KIR3DL1: variants seen among roughly 807,000 people sequenced by gnomAD.
KIR3DL1 encodes killer cell immunoglobulin-like receptor 3DL1.
In KIR3DL1, 50 loss-of-function variants were observed where a neutral mutation model predicts 40.3. The ratio of observed to expected loss-of-function variants is 1.24; its 90% CI spans 0.99 to 1.57. KIR3DL1 has a LOEUF of 1.57. Ranked by LOEUF, KIR3DL1 falls within the 40% of genes most tolerant of loss-of-function variation. KIR3DL1 has a pLI of 0.00. For synonymous variants in KIR3DL1, 257 were observed against 207.2 expected, an observed-to-expected ratio of 1.24 and a Z score of -2.07; for missense variants, 661 against 559.9, an observed-to-expected ratio of 1.18 and a Z score of -1.82.
chr19:54,822,648 T>C (rs1487295676), intron 5 of KIR3DL1, among the ~76,000 whole-genome samples: 9 of 150,936 alleles, frequency 6.0e-5, no homozygotes, highest in Non-Finnish European at 1.2e-4. Flanking sequence ...AATACATCTA[T>C]ATTCTTTTTT....
chr19:54,817,793 C>G lies in KIR3DL1; in HGVS notation c.70+224C>G, dbSNP rs1440192293. Among the ~76,000 whole-genome samples, 4 of 148,198 alleles carry G rather than the reference C, an allele frequency of 2.7e-5. 1 individual carries two copies. The highest frequency in any genetic ancestry group is 3.0e-5 in the Non-Finnish European group (2 of 67,464). Reference sequence around the variant, plus strand: ...ACTAGGGTGCTCCAAGATGGGTGTGCAGGGAGGAAGTGGTGTCAGCAGCAG... The same window carrying G: ...ACTAGGGTGCTCCAAGATGGGTGTGGAGGGAGGAAGTGGTGTCAGCAGCAG... On this transcript the variant is annotated intron_variant, in intron 2 of 8. Transcript: ENST00000391728.
intron 6 of KIR3DL1, among the ~76,000 whole-genome samples, chr19:54,825,547 G>T (rs200713531): frequency 1.0e-4 from 15 of 149,258 alleles, no homozygotes; most frequent in Admixed American, 4.0e-4. Context: ...GCTCATGCAC[G>T]CACACTTCGA....
rs1466436876 is a variant in KIR3DL1, at chr19:54,829,907, G to T, written c.1106-21G>T. 2.6e-6 allele frequency: 4 copies of T among 1,522,964 alleles called. 2 individuals carry two copies. The South Asian group carries it at 5.0e-5, about 19-fold the overall frequency. The allele number at this position is 1,522,964 out of a possible 1,614,324, so 94.3% of individuals were successfully genotyped here. A position where few individuals can be genotyped will look rare whatever the true frequency, so the allele number is the denominator to read the frequency against. ...CCAGAAGTGCCCTCCGAGCTCTTTT[G>T]TTGACTTCCGTCTCCTACAGATGCT... On this transcript the variant is annotated intron_variant, in intron 7 of 8. Coordinates refer to ENST00000391728, the Ensembl canonical transcript of KIR3DL1.
chr19:54,819,891 C>T (rs767564575), exon 4 of KIR3DL1: 2 of 1,612,050 alleles, frequency 1.2e-6, no homozygotes, highest in Admixed American at 1.7e-5. Context: ...TCTCCAAGGC[C>T]AATTTCTCCA....
chr19:54,825,735 G>A (rs1271256274), intron 6 of KIR3DL1, among the ~76,000 whole-genome samples: 1 of 141,438 alleles, frequency 7.1e-6, no homozygotes, highest in Non-Finnish European at 1.6e-5. Context: ...AAATCAAGGT[G>A]ACAGCAAGGC....
intron 2 of KIR3DL1, 98 bp from the exon 3 acceptor site, chr19:54,818,217 A>G (rs1320685479): frequency 7.4e-7 from 1 of 1,346,102 alleles, no homozygotes; most frequent in Non-Finnish European, 1.0e-6. Flanking sequence ...GTGTGGTAGG[A>G]GCCTTAGAAA....
chr19:54,820,842 T>C (rs2061596326), intron 4 of KIR3DL1, among the ~76,000 whole-genome samples: 1 of 150,582 alleles, frequency 6.6e-6, no homozygotes, highest in Admixed American at 6.6e-5. Context: ...TTGCAGAGAT[T>C]CCAAATAGAA....
At chr19:54,830,052 C>T (rs1169222543) in intron 8 of KIR3DL1, 47 bp from the exon 9 acceptor site, 3 of 1,520,662 alleles carry the variant, frequency 2.0e-6, no homozygotes, top group Non-Finnish European at 2.7e-6. Context: ...GAGCACCCTC[C>T]CTCACTCAGC....
At chr19:54,827,504 G>A (rs375396312) in intron 6 of KIR3DL1, among the ~76,000 whole-genome samples, 11 of 148,288 alleles carry the variant, frequency 7.4e-5, no homozygotes, top group South Asian at 2.2e-4. Flanking sequence ...CCCAGCTCCT[G>A]CTCTGGAGGA....
At chr19:54,816,731 G>A (rs2061352461) in intron 1 of KIR3DL1, among the ~76,000 whole-genome samples, 197 bp downstream of exon 1, 1 of 141,966 alleles carries the variant, frequency 7.0e-6, no homozygotes, top group South Asian at 2.3e-4. Flanking sequence ...GCCTGGAGTG[G>A]AGATCTGGGC....
At chr19:54,819,910 A>G in exon 4 of KIR3DL1, 1 of 1,612,274 alleles carries the variant, frequency 6.2e-7, no homozygotes, top group Non-Finnish European at 8.5e-7. Context: ...CATCGGTCCC[A>G]TGATGCTTGC....
At chr19:54,823,140 T>C (rs1457132120) in intron 5 of KIR3DL1, among the ~76,000 whole-genome samples, 1 of 150,994 alleles carries the variant, frequency 6.6e-6, no homozygotes, top group Non-Finnish European at 1.5e-5. Flanking sequence ...GTTCAAATGA[T>C]TGTCCTGACT....
At chr19:54,825,801 T>C (rs1269416753) in intron 6 of KIR3DL1, among the ~76,000 whole-genome samples, 1 of 150,670 alleles carries the variant, frequency 6.6e-6, no homozygotes, top group Admixed American at 6.6e-5. Context: ...TCCCAGCTTC[T>C]AAAGGCTCCC....
intron 6 of KIR3DL1, 81 bp from the exon 7 acceptor site, chr19:54,829,280 C>T (rs1023636216): frequency 9.3e-6 from 11 of 1,176,510 alleles, no homozygotes; most frequent in Middle Eastern, 2.0e-4. Context: ...AAGTGGTTAC[C>T]TGTCAATCAA....
At chr19:54,826,028 G>A (rs1440424410) in intron 6 of KIR3DL1, among the ~76,000 whole-genome samples, 20 of 151,172 alleles carry the variant, frequency 1.3e-4, no homozygotes, top group African/African-American at 4.4e-4. Context: ...GGATACCCTT[G>A]TTTTAAGTTC....
chr19:54,821,683 G>C lies in KIR3DL1; in HGVS notation c.774G>C (p.Glu258Asp), dbSNP rs112686751. The change falls in exon 5 of 9, where the codon GAG becomes GAC. Residue 258 changes from glutamate to aspartate, a missense_variant. Transcript: ENST00000391728. Reference sequence around the variant, plus strand: ...ATGACATGTACCATCTATCCAGGGAGGGGGGAGCCCATGAACGTAGGCTCC... The same window carrying C: ...ATGACATGTACCATCTATCCAGGGACGGGGGAGCCCATGAACGTAGGCTCC... 1.1e-4 allele frequency: 180 copies of C among 1,609,268 alleles called. 1 individual carries two copies. Among genetic ancestry groups the C allele is most frequent in the Middle Eastern group, 1.7e-4 (1 of 6,044 alleles).
rs1002509663 is a variant in KIR3DL1, at chr19:54,828,074, T to C, written c.1001-1287T>C. ...CAGGTGGTATTGAAGCAATAGATAG[T>C]CGAGGGGGTGGTCCTTCCCCCAGCC... is the stretch of plus-strand genomic sequence containing the variant. On this transcript the variant is annotated intron_variant, in intron 6 of 8. Coordinates refer to ENST00000391728, the Ensembl canonical transcript of KIR3DL1. 8.3e-4 allele frequency among the ~76,000 whole-genome samples: 122 copies of C among 147,404 alleles called. 8 individuals carry two copies. The highest frequency in any genetic ancestry group is 2.5e-3 in the African/African-American group (96 of 38,964).
rs752645369 is a variant in KIR3DL1 at position 54,819,715 on chromosome 19, A to T, written c.358A>T (p.Asn120Tyr). The change falls in exon 4 of 9, where the codon AAC (asparagine) becomes TAC (tyrosine). Residue 120 changes from asparagine to tyrosine, a missense_variant and splice_region_variant. Coordinates refer to ENST00000391728, the Ensembl canonical transcript of KIR3DL1. ...AAACTCACAACTTCTCTTTCTAGGA[A>T]ACCACAGAAAACCTTCCCTCCTGGC... 2.5e-6 allele frequency: 4 copies of T among 1,607,180 alleles called. No homozygotes were observed. The Admixed American group carries it at 6.7e-5, about 27-fold the overall frequency.
rs765825255 is a variant in KIR3DL1, at chr19:54,821,815, C to T, written c.906C>T (p.Tyr302=). 1.4e-4 allele frequency: 221 copies of T among 1,604,714 alleles called. 8 individuals are homozygous for T. In the Admixed American group the frequency reaches 1.6e-3, roughly 12 times the overall value. Residue 302 remains tyrosine, a synonymous_variant, in exon 5 of 9, where the codon TAC becomes TAT. Transcript: ENST00000391728. ...TCGGCTCTTTCCGTCACTCTCCCTA[C>T]GAGTGGTCAGACCCGAGTGACCCAC...
Sources: allele counts gnomAD v4.1 joint callset (sites outside exome capture counted in the v4.1 genomes callset), GRCh38; gene constraint gnomAD v4.1.1; transcripts MANE v1.5; gene names NCBI Gene and HGNC (gene_info 2026-07-23, HGNC 2026-07-21).